The following HOXC4 variants were observed in gnomAD, a reference collection of about 807,000 sequenced individuals.
The protein encoded by HOXC4 is homeobox C4.
A neutral mutation model predicts 25.5 loss-of-function variants in HOXC4; 15 were observed. The observed-to-expected ratio is 0.59, with a 90% CI of 0.39 to 0.91. The LOEUF (loss-of-function observed/expected upper bound fraction) is 0.91. Ranked by LOEUF, HOXC4 falls within the 40% of genes least tolerant of loss-of-function variation. The pLI, the probability that HOXC4 is intolerant of heterozygous loss-of-function variation, is 0.00. For synonymous variants in HOXC4, 165 were observed against 148.0 expected (o/e 1.11, Z -0.83); for missense variants, 342 against 352.4 (o/e 0.97, Z 0.24).
In HOXC4 at chr12:54,044,775, CCAAA is replaced by C. The variant is rs544160970; in HGVS notation, c.-123-8377_-123-8374del. Among the ~76,000 whole-genome samples the C allele has an allele frequency of 2.3e-3, 352 of 151,592 alleles. 3 individuals are homozygous for C. The highest frequency in any genetic ancestry group is 7.7e-3 in the African/African-American group (319 of 41,326). ...CCCAGCCTTCTCACATCTCTATGTA[CCAAA>C]CAAACAATATATTTTACCTAAATAA... On this transcript the variant is annotated intron_variant, in intron 1 of 3. Transcript: ENST00000303406.
chr12:54,042,747 A>G (rs565704840), intron 1 of HOXC4, among the ~76,000 whole-genome samples: 12 of 152,306 alleles, frequency 7.9e-5, no homozygotes, highest in African/African-American at 2.9e-4. Flanking sequence ...TTTGGGGTGA[A>G]TGATTCAATT....
intron 1 of HOXC4, 90 bp from the exon 2 acceptor site, chr12:54,054,760 C>T: frequency 1.2e-6 from 1 of 831,002 alleles, no homozygotes; most frequent in Non-Finnish European, 1.9e-6. Flanking sequence ...CTCCCTCCTC[C>T]TGTTTCTCAG....
intron 1 of HOXC4, chr12:54,028,344 G>T: frequency 1.7e-6 from 1 of 603,048 alleles, no homozygotes; most frequent in African/African-American, 1.9e-5. Flanking sequence ...AAGCAGAAGC[G>T]ATTTTTTTCC....
chr12:54,024,381 C>T (rs1033341499), intron 1 of HOXC4, among the ~76,000 whole-genome samples: 6 of 151,226 alleles, frequency 4.0e-5, no homozygotes, highest in Non-Finnish European at 7.4e-5. Context: ...GCTGTAGTTG[C>T]AGCGCGGCAG....
At position 54,035,619 on chromosome 12, in the gene HOXC4, C is replaced by T. The variant is rs189382917; in HGVS notation, c.-123-17541C>T. On this transcript the variant is annotated intron_variant, in intron 1 of 3. Coordinates refer to the HOXC4 transcript ENST00000303406. ...ATGCTGTGGCTGTCCAAGGCCTTCACGCCTCTGCACTCCAGGAGGCCTCTG... is the reference window on the plus strand; with the variant it reads ...ATGCTGTGGCTGTCCAAGGCCTTCATGCCTCTGCACTCCAGGAGGCCTCTG... 5.3e-5 allele frequency among the ~76,000 whole-genome samples: 8 copies of T among 152,322 alleles called. No individual in the cohort carries two copies. In the South Asian group the frequency reaches 6.2e-4, roughly 12 times the overall value.
At chr12:54,043,781 C>G (rs1000466922) in intron 1 of HOXC4, among the ~76,000 whole-genome samples, 4 of 152,186 alleles carry the variant, frequency 2.6e-5, no homozygotes, top group Non-Finnish European at 5.9e-5. Flanking sequence ...AGAATCTTAT[C>G]TGATCTAATC....
At chr12:54,037,731 G>A (rs1209698917) in intron 1 of HOXC4, 1 of 152,238 alleles carries the variant, frequency 6.6e-6, no homozygotes, top group Admixed American at 6.5e-5. Flanking sequence ...TGTGAATTTA[G>A]GAGTTTGAAA....
chr12:54,036,675 GC>G (rs1941189937), intron 1 of HOXC4, among the ~76,000 whole-genome samples: 1 of 150,400 alleles, frequency 6.6e-6, no homozygotes, highest in African/African-American at 2.4e-5. Flanking sequence ...CCAGACCAGT[GC>G]TCTCTCTCTC....
chr12:54,022,696 G>A (rs1940505149), intron 1 of HOXC4: 1 of 151,976 alleles, frequency 6.6e-6, no homozygotes, highest in East Asian at 1.9e-4. Flanking sequence ...GAGGGGGAAA[G>A]GAAAAAACAT....
Position 54,054,317 on chromosome 12 carries a change from A to C in HOXC4, c.395A>C (p.Gln132Pro). Residue 132 changes from glutamine (Q) to proline (P), a missense_variant, in exon 1 of 2, where the codon CAA becomes CCA. Coordinates refer to ENST00000430889, the MANE Select transcript of HOXC4 (RefSeq NM_153633.3). ...CATCCCTCCAGCGCCGCCAGCAAGC[A>C]ACCCATAGTCTACCCATGGATGAAA... ...PDHPSSAASK[Q>P]PIVYPWMKKI... The C allele has an allele frequency of 6.3e-7, 1 of 1,598,458 alleles. No individual in the cohort carries two copies. The highest frequency in any genetic ancestry group is 8.5e-7 in the Non-Finnish European group (1 of 1,173,730).
chr12:54,044,437 A>G (rs563712303), intron 1 of HOXC4, among the ~76,000 whole-genome samples: 19 of 152,248 alleles, frequency 1.2e-4, no homozygotes, highest in African/African-American at 4.3e-4. Context: ...GTCACAAAGG[A>G]ACTAACATTG....
intron 1 of HOXC4, 138 bp downstream of exon 1, chr12:54,054,499 A>G: frequency 1.6e-6 from 1 of 631,558 alleles, no homozygotes; most frequent in Non-Finnish European, 2.8e-6. Context: ...GGTTAGCACA[A>G]TTGAACTGGA....
chr12:54,053,883 A>G lies in HOXC4; in HGVS notation c.-40A>G. 2 of 1,532,718 alleles carry G rather than the reference A, an allele frequency of 1.3e-6. No individual in the cohort carries two copies. The highest frequency in any genetic ancestry group is 9.0e-7 in the Non-Finnish European group (1 of 1,116,182). The allele number at this position is 1,532,718 out of a possible 1,614,324, so 94.9% of individuals were successfully genotyped here. On this transcript the variant is annotated 5_prime_UTR_variant, in exon 1 of 2. Coordinates refer to ENST00000430889, the MANE Select transcript of HOXC4 (RefSeq NM_153633.3). ...TAGGAGGGCTTTATGGAGCAGAAAA[A>G]CGACAAAGCGAGAAAAATTATTTTC...
chr12:54,034,557 C>T, intron 1 of HOXC4: 1 of 1,354,660 alleles, frequency 7.4e-7, no homozygotes, highest in Non-Finnish European at 1.0e-6. Flanking sequence ...CTTTCCTTTT[C>T]GCCTTTCCTC....
chr12:54,036,770 G>A (rs1941192175), intron 1 of HOXC4, among the ~76,000 whole-genome samples: 1 of 152,200 alleles, frequency 6.6e-6, no homozygotes, highest in Admixed American at 6.5e-5. Flanking sequence ...TGAGTGAGCA[G>A]TGAAGCGTGG....
chr12:54,024,782 C>T (rs1940615934), intron 1 of HOXC4, among the ~76,000 whole-genome samples: 1 of 152,168 alleles, frequency 6.6e-6, no homozygotes, highest in Non-Finnish European at 1.5e-5. Flanking sequence ...AGTGCCCAGG[C>T]TGCAATGCCA....
chr12:54,041,309 C>A (rs1046281845), intron 1 of HOXC4, among the ~76,000 whole-genome samples: 2 of 152,210 alleles, frequency 1.3e-5, no homozygotes, highest in African/African-American at 4.8e-5. Context: ...GGTCCAGACC[C>A]AGGTATTCTC....
intron 1 of HOXC4, among the ~76,000 whole-genome samples, chr12:54,047,055 G>A (rs1012895757): frequency 3.3e-5 from 5 of 152,232 alleles, no homozygotes; most frequent in African/African-American, 1.2e-4. Context: ...GGCCGAATTC[G>A]CATCTCTTCT....
chr12:54,029,112 C>T (rs1940867283), intron 1 of HOXC4, among the ~76,000 whole-genome samples: 1 of 152,052 alleles, frequency 6.6e-6, no homozygotes, highest in Non-Finnish European at 1.5e-5. Context: ...GGCCTGGCCC[C>T]CTTGGCCCCT....
Sources: gnomAD v4.1 joint callset for allele counts (sites outside exome capture counted in the v4.1 genomes callset) on GRCh38, gnomAD v4.1.1 for gene constraint, MANE v1.5 for transcripts, NCBI Gene and HGNC (gene_info 2026-07-23, HGNC 2026-07-21) for gene names.